NCOA7: variants seen among roughly 807,000 people sequenced by gnomAD.
The protein encoded by NCOA7 is nuclear receptor coactivator 7.
A neutral mutation model predicts 104.3 loss-of-function variants in NCOA7; 45 were observed. The observed-to-expected ratio is 0.43, with a 90% CI of 0.34 to 0.55. The LOEUF is 0.55. NCOA7 is among the 20% of genes least tolerant of loss of function. The pLI, the probability that NCOA7 is intolerant of heterozygous loss-of-function variation, is 0.02. For synonymous variants in NCOA7, 398 were observed against 402.3 expected (o/e 0.99, Z 0.13); for missense variants, 1,041 against 1,119.7 (o/e 0.93, Z 1.00).
At chr6:125,877,065 A>T (rs906029785) in intron 4 of NCOA7, among the ~76,000 whole-genome samples, 2 of 152,168 alleles carry the variant, frequency 1.3e-5, no homozygotes, top group Non-Finnish European at 2.9e-5. Flanking sequence ...TTTAGTGGAG[A>T]TGGTTTTACC....
intron 2 of NCOA7, among the ~76,000 whole-genome samples, chr6:125,849,613 T>C (rs958357238): frequency 1.3e-5 from 2 of 152,096 alleles, no homozygotes; most frequent in Non-Finnish European, 2.9e-5. Context: ...AAATATAATA[T>C]CATAAAACGT....
chr6:125,809,395 C>A (rs1032264133), intron 1 of NCOA7, among the ~76,000 whole-genome samples: 3 of 152,120 alleles, frequency 2.0e-5, no homozygotes, highest in Non-Finnish European at 2.9e-5. Flanking sequence ...GTTGGATAGG[C>A]TGGTCTTGAA....
rs201538729 is a variant in NCOA7 at position 125,885,228 on chromosome 6, C to G, written c.769C>G (p.Leu257Val). The G allele has an allele frequency of 2.3e-5, 37 of 1,614,046 alleles. No homozygotes were observed. Among genetic ancestry groups the G allele is most frequent in the Admixed American group, 1.8e-4 (11 of 60,022 alleles). Residue 257 changes from leucine to valine, a missense_variant, in exon 8 of 16, where the codon CTG (leucine) becomes GTG (valine). Around this residue, in one of 2 missense-constraint regions of NCOA7, gnomAD observed 914 missense variants for 942.7 expected, o/e 0.97. Transcript: ENST00000392477. ...IMFDPHKSDP[L>V]VIENGCEEYG... ...GTTTGACCCTCATAAATCTGATCCT[C>G]TGGTTATTGAAAATGGGTGTGAGGA... is the stretch of plus-strand genomic sequence containing the variant.
chr6:125,789,379 G>A (rs757533319), upstream of NCOA7, among the ~76,000 whole-genome samples: 1 of 152,266 alleles, frequency 6.6e-6, no homozygotes, highest in East Asian at 1.9e-4. Flanking sequence ...ATTTGTCCTT[G>A]CCAGGGAACA....
At chr6:125,819,585 A>G (rs1173003309) in intron 2 of NCOA7, among the ~76,000 whole-genome samples, 1 of 152,220 alleles carries the variant, frequency 6.6e-6, no homozygotes, top group Admixed American at 6.5e-5. Context: ...ATATGTCTAT[A>G]TTAATTTCTT....
Position 125,889,457 on chromosome 6 carries a change from C to A in NCOA7, c.1403C>A (p.Ala468Asp). 6.2e-7 allele frequency: 1 copy of A among 1,614,038 alleles called. No individual in the cohort carries two copies. The highest frequency in any genetic ancestry group is 8.5e-7 in the Non-Finnish European group (1 of 1,179,992). ...GAAATGCAGGTGCAGTCAGCCCTAG[C>A]CTTTTTGGGAACAGAGAATGATGTT... is the stretch of plus-strand genomic sequence containing the variant. Reference protein sequence around the residue: ...AVEMQVQSALAFLGTENDVEL... With the variant: ...AVEMQVQSALDFLGTENDVEL... The change falls in exon 9 of 16, where the codon GCC (alanine) becomes GAC (aspartate). Residue 468 changes from alanine (A) to aspartate (D), a missense_variant. Around this residue, in one of 2 missense-constraint regions of NCOA7, gnomAD observed 914 missense variants for 942.7 expected, o/e 0.97. Coordinates refer to ENST00000392477, the MANE Select transcript of NCOA7 (RefSeq NM_181782.5).
chr6:125,914,534 G>A (rs186360359), intron 10 of NCOA7, among the ~76,000 whole-genome samples: 7 of 152,200 alleles, frequency 4.6e-5, no homozygotes, highest in South Asian at 4.1e-4. Flanking sequence ...ATAAGTTAAC[G>A]TTATCCCAAC....
At chr6:125,834,481 G>A (rs922226837) in intron 2 of NCOA7, among the ~76,000 whole-genome samples, 26 of 152,190 alleles carry the variant, frequency 1.7e-4, no homozygotes, top group African/African-American at 6.0e-4. Context: ...CTTGGTAGAG[G>A]TGAGCTACTG....
intron 2 of NCOA7, among the ~76,000 whole-genome samples, chr6:125,815,717 G>A (rs1350624441): frequency 6.6e-6 from 1 of 152,158 alleles, no homozygotes; most frequent in Non-Finnish European, 1.5e-5. Context: ...TAAATCCTAA[G>A]TGCTTTGTTC....
At chr6:125,924,393 C>T (rs1457892471) in intron 13 of NCOA7, among the ~76,000 whole-genome samples, 1 of 152,222 alleles carries the variant, frequency 6.6e-6, no homozygotes, top group Non-Finnish European at 1.5e-5. Flanking sequence ...CCTGGAGGCA[C>T]TTGTGTCATT....
intron 10 of NCOA7, among the ~76,000 whole-genome samples, chr6:125,894,363 T>C (rs1784843971): frequency 1.3e-5 from 2 of 152,056 alleles, no homozygotes; most frequent in African/African-American, 4.8e-5. Flanking sequence ...ATTCTGAAAG[T>C]GGGGTTGAAA....
intron 2 of NCOA7, among the ~76,000 whole-genome samples, chr6:125,820,761 T>C (rs1185434205): frequency 6.6e-6 from 1 of 152,200 alleles, no homozygotes; most frequent in Non-Finnish European, 1.5e-5. Flanking sequence ...GCTGCTCCTG[T>C]TGTTCAGATC....
intron 2 of NCOA7, among the ~76,000 whole-genome samples, chr6:125,825,079 T>C (rs1039872054): frequency 4.6e-5 from 7 of 150,832 alleles, no homozygotes; most frequent in Non-Finnish European, 8.8e-5. Context: ...GGCTCACACC[T>C]GTAATCCCAG....
intron 1 of NCOA7, among the ~76,000 whole-genome samples, chr6:125,803,875 C>T (rs1192302548): frequency 6.6e-6 from 1 of 152,154 alleles, no homozygotes; most frequent in Non-Finnish European, 1.5e-5. Context: ...ACTCTTAATT[C>T]AGATCCACAA....
At chr6:125,869,175 C>G (rs557904693) in intron 3 of NCOA7, among the ~76,000 whole-genome samples, 1 of 152,236 alleles carries the variant, frequency 6.6e-6, no homozygotes, top group African/African-American at 2.4e-5. Flanking sequence ...GAATCATGTC[C>G]ACTGTCCTGA....
upstream of NCOA7, among the ~76,000 whole-genome samples, chr6:125,787,750 C>T (rs1171063225): frequency 1.3e-5 from 2 of 152,162 alleles, no homozygotes; most frequent in African/African-American, 2.4e-5. Flanking sequence ...GTAACTTCCG[C>T]AGCCAAGAAC....
chr6:125,865,839 TTTTCTTTC>T (rs568498594), intron 3 of NCOA7, among the ~76,000 whole-genome samples: 1 of 133,930 alleles, frequency 7.5e-6, no homozygotes, highest in Admixed American at 7.1e-5. Flanking sequence ...AATTTTTATA[TTTTCTTTC>T]TTTCTTTCTT....
Position 125,862,791 on chromosome 6 carries a change from C to T in NCOA7, c.271+7551C>T, listed in dbSNP as rs1745121043. On this transcript the variant is annotated intron_variant, in intron 3 of 15. Coordinates refer to ENST00000392477, the MANE Select transcript of NCOA7 (RefSeq NM_181782.5). ...GGCCAAGGCAGGCAGATCACCTGAT[C>T]AAGACCAGCCTGGCCAACATGGTGA... Among the ~76,000 whole-genome samples the T allele has an allele frequency of 1.4e-5, 2 of 138,272 alleles. 1 individual carries two copies. The highest frequency in any genetic ancestry group is 6.0e-5 in the African/African-American group (2 of 33,230). The allele number at this position is 138,272 out of a possible 152,430, so 90.7% of individuals were successfully genotyped here. A position where few individuals can be genotyped will look rare whatever the true frequency, so the allele number is the denominator to read the frequency against.
At chr6:125,808,906 C>CA (rs1776704767) in intron 1 of NCOA7, among the ~76,000 whole-genome samples, 1 of 152,138 alleles carries the variant, frequency 6.6e-6, no homozygotes, top group Non-Finnish European at 1.5e-5. Context: ...CAAGGAAACT[C>CA]ACATTTGTTT....
Sources: gnomAD v4.1 joint callset for allele counts (sites outside exome capture counted in the v4.1 genomes callset) on GRCh38, gnomAD v4.1.1 for gene constraint, gnomAD v4.1.1 regional missense constraint, MANE v1.5 for transcripts, NCBI Gene and HGNC (gene_info 2026-07-23, HGNC 2026-07-21) for gene names.